The following PIGZ variants were observed in gnomAD, a reference collection of about 807,000 sequenced individuals.
The protein encoded by PIGZ is GPI alpha-1,2-mannosyltransferase 4.
A neutral mutation model predicts 16.4 loss-of-function variants in PIGZ; 16 were observed. The ratio of observed to expected loss-of-function variants is 0.97; its 90% confidence interval spans 0.66 to 1.48. The LOEUF is 1.48. Among genes scored for constraint, PIGZ ranks in the 40% most tolerant of loss-of-function variants. The probability of loss-of-function intolerance (pLI) is 0.00; values close to 1 mark genes in which losing one functional copy is unlikely to be tolerated. For missense variants in PIGZ, 770 were observed against 739.2 expected (o/e 1.04, Z -0.48); for synonymous variants, 409 against 338.4 (o/e 1.21, Z -2.29).
At chr3:196,964,046 T>A (rs1717826227) in intron 1 of PIGZ, among the ~76,000 whole-genome samples, 1 of 151,698 alleles carries the variant, frequency 6.6e-6, no homozygotes, top group African/African-American at 2.4e-5. Flanking sequence ...ATTTTTATTT[T>A]TATTTATTTA....
intron 2 of PIGZ, among the ~76,000 whole-genome samples, chr3:196,949,700 A>G (rs1717184280): frequency 6.6e-6 from 1 of 152,086 alleles, no homozygotes. Flanking sequence ...AGTGCAGGGG[A>G]GCTCAGAGTG....
At position 196,949,540 on chromosome 3, in the gene PIGZ, C is replaced by T. The variant is rs564234806; in HGVS notation, c.212-855G>A. Among the ~76,000 whole-genome samples the T allele has an allele frequency of 7.2e-5, 11 of 152,332 alleles. 1 individual carries two copies. In the South Asian group the frequency reaches 2.3e-3, roughly 32 times the overall value. ...CTGCTAGAATTAGAGAGCTTCCAGA[C>T]AAGAACTCAGCCCAGTCCATACGCT... On this transcript the variant is annotated intron_variant, in intron 2 of 2. Transcript: ENST00000412723.
intron 1 of PIGZ, among the ~76,000 whole-genome samples, chr3:196,956,148 A>G (rs959541969): frequency 1.1e-4 from 17 of 152,134 alleles, no homozygotes; most frequent in Non-Finnish European, 1.9e-4. Context: ...ATTATAGTCG[A>G]AAGTTTTTTG....
chr3:196,951,651 T>C, intron 2 of PIGZ, 170 bp downstream of exon 2: 2 of 649,360 alleles, frequency 3.1e-6, no homozygotes. Flanking sequence ...GGGAAGGAGA[T>C]ATGAAGTCCC....
intron 1 of PIGZ, among the ~76,000 whole-genome samples, chr3:196,960,927 G>C (rs1717697330): frequency 6.6e-6 from 1 of 152,184 alleles, no homozygotes; most frequent in Admixed American, 6.5e-5. Context: ...AAGGAAAAAT[G>C]GTTCCAGATA....
chr3:196,955,779 G>C (rs1009110245), intron 1 of PIGZ, among the ~76,000 whole-genome samples: 1 of 151,346 alleles, frequency 6.6e-6, no homozygotes, highest in Non-Finnish European at 1.5e-5. Flanking sequence ...GGGTTTTGCC[G>C]TGTTGGCCAT....
chr3:196,960,056 G>T (rs1717647008), intron 1 of PIGZ, among the ~76,000 whole-genome samples: 1 of 152,216 alleles, frequency 6.6e-6, no homozygotes, highest in Non-Finnish European at 1.5e-5. Flanking sequence ...CACTTTGTGG[G>T]AATGGAGGAC....
rs559987897 is a variant in PIGZ at position 196,946,925 on chromosome 3, C to A, written c.*232G>T. 10 of 474,030 alleles carry A rather than the reference C, an allele frequency of 2.1e-5. No homozygotes were observed. The Admixed American group carries it at 3.5e-4, about 17-fold the overall frequency. The allele number at this position is 474,030 out of a possible 1,614,324, so 29.4% of individuals were successfully genotyped here. ...GACAGGTGTCGTCACTTAACCTGGT[C>A]TTTGGGGACCTTGACATCAAGACCG... On this transcript the variant is annotated 3_prime_UTR_variant, in exon 3 of 3. Coordinates refer to ENST00000412723, the MANE Select transcript of PIGZ (RefSeq NM_025163.4).
rs1716986201 is a variant in PIGZ, at chr3:196,947,931, G to A, written c.966C>T (p.Gly322=). The A allele has an allele frequency of 6.2e-7, 1 of 1,613,794 alleles. No homozygotes were observed. Among genetic ancestry groups the A allele is most frequent in the African/African-American group, 1.3e-5 (1 of 75,060 alleles). Residue 322 remains glycine (G), a synonymous_variant, in exon 3 of 3, where the codon GGC becomes GGT. Coordinates refer to ENST00000412723, the MANE Select transcript of PIGZ (RefSeq NM_025163.4). ...CATGCAGCACCCCGAAGAGCAGGAA[G>A]CCGTTGACTGCCAGGTGAGTGAGCC... is the stretch of plus-strand genomic sequence containing the variant. ...HARLTHLAVN[G]FLLFGVLHAQ... is the part of the protein sequence containing the mutation.
chr3:196,947,870 C>G lies in PIGZ; in HGVS notation c.1027G>C (p.Val343Leu). The G allele has an allele frequency of 1.2e-6, 2 of 1,613,942 alleles. No individual in the cohort carries two copies. Among genetic ancestry groups the G allele is most frequent in the Non-Finnish European group, 1.7e-6 (2 of 1,179,862 alleles). Residue 343 changes from valine to leucine, a missense_variant, in exon 3 of 3, where the codon GTC becomes CTC. Val to Leu is a conservative substitution (Grantham distance 32). Coordinates refer to ENST00000412723, the MANE Select transcript of PIGZ (RefSeq NM_025163.4). ...ALQAAWQRLQ[V>L]GLQASAQMGL... ...ATTTGTGCAGAGGCCTGGAGGCCGACTTGCAGCCGTTGCCACGCAGCCTGC... is the reference window on the plus strand; with the variant it reads ...ATTTGTGCAGAGGCCTGGAGGCCGAGTTGCAGCCGTTGCCACGCAGCCTGC...
At chr3:196,957,871 A>G (rs1162581057) in intron 1 of PIGZ, among the ~76,000 whole-genome samples, 2 of 152,196 alleles carry the variant, frequency 1.3e-5, no homozygotes, top group Non-Finnish European at 2.9e-5. Flanking sequence ...TACAAAAAAT[A>G]GCTTTTTGTT....
At position 196,948,378 on chromosome 3, in the gene PIGZ, T is replaced by C; in HGVS notation, c.519A>G (p.Thr173=). The C allele has an allele frequency of 6.2e-7, 1 of 1,614,030 alleles. No individual in the cohort carries two copies. Among genetic ancestry groups the C allele is most frequent in the Non-Finnish European group, 8.5e-7 (1 of 1,179,958 alleles). Residue 173 remains threonine, a synonymous_variant, in exon 3 of 3, where the codon ACA becomes ACG. Transcript: ENST00000412723. ...SGSYVTLVFY[T]RTFSNTIEGL... is the part of the protein sequence containing the mutation. ...CCTCAATGGTGTTGGAGAAGGTCCT[T>C]GTGTAGAAGACCAGGGTGACGTAGG...
chr3:196,966,284 T>C lies in PIGZ; in HGVS notation c.-1+2403A>G, dbSNP rs1717921762. 2.0e-5 allele frequency among the ~76,000 whole-genome samples: 3 copies of C among 152,228 alleles called. 1 individual carries two copies. In the South Asian group the frequency reaches 6.2e-4, roughly 31 times the overall value. On this transcript the variant is annotated intron_variant, in intron 1 of 2. Coordinates refer to ENST00000412723, the MANE Select transcript of PIGZ (RefSeq NM_025163.4). ...AGCACTCAATCTCTCTGAACCCCAATTTATACCTCAGCTTTAAAACAAGTA... is the reference window on the plus strand; with the variant it reads ...AGCACTCAATCTCTCTGAACCCCAACTTATACCTCAGCTTTAAAACAAGTA...
chr3:196,958,698 G>A (rs1472323687), intron 1 of PIGZ, among the ~76,000 whole-genome samples: 1 of 152,146 alleles, frequency 6.6e-6, no homozygotes, highest in Non-Finnish European at 1.5e-5. Context: ...TGATTTTCTT[G>A]GAAAATATAG....
chr3:196,948,467 CG>C lies in PIGZ; in HGVS notation c.429del (p.Val144CysfsTer53), dbSNP rs774492557. ...CCCATCGGCGGGGCCAGGTGGTACA[CG>C]GCCCCGTCCAGAGCAAAGGAAAGGG... is the stretch of plus-strand genomic sequence containing the variant. ...LTALSFALDG[A>X]VYHLAPPMGA... On this transcript the variant is annotated frameshift_variant, in exon 3 of 3. Coordinates refer to ENST00000412723, the MANE Select transcript of PIGZ (RefSeq NM_025163.4). LOFTEE classifies it low-confidence loss of function (END_TRUNC). 1.2e-6 allele frequency: 2 copies of C among 1,613,686 alleles called. No homozygotes were observed. The highest frequency in any genetic ancestry group is 1.7e-6 in the Non-Finnish European group (2 of 1,179,926).
At chr3:196,948,722 C>T in intron 2 of PIGZ, 37 bp from the exon 3 acceptor site, 2 of 1,425,886 alleles carry the variant, frequency 1.4e-6, no homozygotes, top group Non-Finnish European at 1.8e-6. Flanking sequence ...GTACCAAGCT[C>T]AGGGATGTAG....
At chr3:196,952,248 C>G (rs6785916) in intron 1 of PIGZ, among the ~76,000 whole-genome samples, 22,990 of 152,108 alleles carry the variant, frequency 0.15, 1,881 homozygotes, top group Middle Eastern at 0.26. Context: ...CCCTGTTGTA[C>G]AGATGGGGAA....
chr3:196,947,851 G>A lies in PIGZ; in HGVS notation c.1046C>T (p.Ala349Val), dbSNP rs2108894071. The A allele has an allele frequency of 6.2e-7, 1 of 1,613,484 alleles. No homozygotes were observed. Among genetic ancestry groups the A allele is most frequent in the Admixed American group, 1.7e-5 (1 of 59,990 alleles). Residue 349 changes from alanine to valine, a missense_variant, in exon 3 of 3, where the codon GCA becomes GTA. By Grantham distance (64) the Ala-to-Val change is moderately conservative (BLOSUM62 0). Coordinates refer to ENST00000412723, the MANE Select transcript of PIGZ (RefSeq NM_025163.4). Reference sequence around the variant, plus strand: ...CAGTGCCCTCAGGAGGCCCATTTGTGCAGAGGCCTGGAGGCCGACTTGCAG... The same window carrying A: ...CAGTGCCCTCAGGAGGCCCATTTGTACAGAGGCCTGGAGGCCGACTTGCAG... The part of the protein sequence containing the change: ...QRLQVGLQAS[A>V]QMGLLRALGA...
chr3:196,954,818 AT>A, intron 1 of PIGZ, among the ~76,000 whole-genome samples: 1 of 152,254 alleles, frequency 6.6e-6, no homozygotes, highest in African/African-American at 2.4e-5. Flanking sequence ...TTTAATGGTC[AT>A]TTTTGTAGAT....
Sources: gnomAD v4.1 joint callset for allele counts (sites outside exome capture counted in the v4.1 genomes callset) on GRCh38, gnomAD v4.1.1 for gene constraint, MANE v1.5 for transcripts, NCBI Gene and HGNC (gene_info 2026-07-23, HGNC 2026-07-21) for gene names.